Variants in ESR1 observed in about 807,000 individuals in gnomAD.
ESR1 encodes estrogen receptor 1.
Under a neutral mutation model 52.7 loss-of-function variants are expected in ESR1, and 12 were observed. That is an observed-to-expected ratio of 0.23 (90% CI 0.15 to 0.37). ESR1 has a LOEUF of 0.37. ESR1 is among the 10% of genes least tolerant of loss of function. The pLI, the probability that ESR1 is intolerant of heterozygous loss-of-function variation, is 1.00. For missense variants in ESR1, 584 were observed against 779.7 expected (o/e 0.75, Z 2.99); for synonymous variants, 305 against 316.8 (o/e 0.96, Z 0.39).
chr6:151,977,602 C>T (rs1428098225), intron 4 of ESR1, among the ~76,000 whole-genome samples: 2 of 152,038 alleles, frequency 1.3e-5, no homozygotes, highest in African/African-American at 4.8e-5. Flanking sequence ...CGAGACCAGC[C>T]TGGCCAACAT....
At chr6:152,004,486 C>A (rs17082000) in intron 4 of ESR1, among the ~76,000 whole-genome samples, 1 of 151,740 alleles carries the variant, frequency 6.6e-6, no homozygotes, top group Non-Finnish European at 1.5e-5. Flanking sequence ...TAGTTTATAC[C>A]TCATGTATGC....
intron 2 of ESR1, among the ~76,000 whole-genome samples, chr6:151,776,355 A>G (rs1785990067): frequency 6.6e-6 from 1 of 152,262 alleles, no homozygotes; most frequent in Non-Finnish European, 1.5e-5. Flanking sequence ...CAGACATTTT[A>G]TCAGAGATAA....
chr6:151,743,885 A>G (rs1425786657), intron 2 of ESR1, among the ~76,000 whole-genome samples: 1 of 152,016 alleles, frequency 6.6e-6, no homozygotes, highest in Non-Finnish European at 1.5e-5. Context: ...ATCACCCCAG[A>G]GCCACCCCTC....
chr6:151,706,534 T>C (rs1780197541), intron 2 of ESR1, among the ~76,000 whole-genome samples: 1 of 152,102 alleles, frequency 6.6e-6, no homozygotes, highest in Non-Finnish European at 1.5e-5. Context: ...ACAGGGCCAT[T>C]GTTTACCTTG....
chr6:152,069,634 A>G (rs1173596734), intron 6 of ESR1, among the ~76,000 whole-genome samples: 1 of 136,266 alleles, frequency 7.3e-6, no homozygotes, highest in Non-Finnish European at 1.5e-5. Context: ...ACCTCAGATC[A>G]TCAGGCATTA....
intron 1 of ESR1, among the ~76,000 whole-genome samples, chr6:151,662,358 C>T (rs900895460): frequency 6.6e-6 from 1 of 152,138 alleles, no homozygotes; most frequent in Non-Finnish European, 1.5e-5. Context: ...TTAATACTGA[C>T]TGAGAACTGA....
intron 4 of ESR1, among the ~76,000 whole-genome samples, chr6:151,993,436 T>C (rs977662397): frequency 6.6e-6 from 1 of 152,048 alleles, no homozygotes; most frequent in Non-Finnish European, 1.5e-5. Flanking sequence ...GACCTATCTA[T>C]CTCCTTCTCA....
chr6:151,878,822 A>G (rs1159834559), intron 2 of ESR1, among the ~76,000 whole-genome samples: 1 of 152,130 alleles, frequency 6.6e-6, no homozygotes, highest in African/African-American at 2.4e-5. Flanking sequence ...ACATGCCAAT[A>G]TTTATTAGTT....
intron 2 of ESR1, among the ~76,000 whole-genome samples, chr6:151,719,275 C>T (rs1781278352): frequency 6.6e-6 from 1 of 152,004 alleles, no homozygotes; most frequent in Non-Finnish European, 1.5e-5. Flanking sequence ...GTCTAGATGT[C>T]AAAAGGTGGT....
At chr6:152,042,445 C>T (rs534951601) in intron 5 of ESR1, among the ~76,000 whole-genome samples, 2 of 152,178 alleles carry the variant, frequency 1.3e-5, no homozygotes, top group South Asian at 4.1e-4. Flanking sequence ...GTCCAGTTGT[C>T]CCTGAAATGT....
At chr6:151,914,604 G>A (rs750659956) in intron 3 of ESR1, among the ~76,000 whole-genome samples, 2 of 152,198 alleles carry the variant, frequency 1.3e-5, no homozygotes, top group Admixed American at 1.3e-4. Context: ...ACTGGAGGAA[G>A]TATAGCAGAA....
At chr6:151,998,914 C>T (rs2041724345) in intron 4 of ESR1, among the ~76,000 whole-genome samples, 1 of 152,038 alleles carries the variant, frequency 6.6e-6, no homozygotes, top group Non-Finnish European at 1.5e-5. Flanking sequence ...TTATTGGTAT[C>T]TAAGATGTCA....
At chr6:152,091,299 T>C (rs565459445) in intron 6 of ESR1, among the ~76,000 whole-genome samples, 2 of 152,352 alleles carry the variant, frequency 1.3e-5, no homozygotes, top group South Asian at 4.1e-4. Flanking sequence ...TTGTCAACTA[T>C]TGGCATTTCA....
chr6:152,088,627 C>T (rs2049935527), intron 6 of ESR1, among the ~76,000 whole-genome samples: 1 of 152,120 alleles, frequency 6.6e-6, no homozygotes, highest in Non-Finnish European at 1.5e-5. Context: ...GGAAGAGAGA[C>T]CTGCGCTAGC....
At chr6:151,976,072 T>A (rs2039407693) in intron 4 of ESR1, among the ~76,000 whole-genome samples, 1 of 152,212 alleles carries the variant, frequency 6.6e-6, no homozygotes, top group Admixed American at 6.5e-5. Flanking sequence ...AGGATAGAGA[T>A]GGTGATGGTG....
intron 2 of ESR1, among the ~76,000 whole-genome samples, chr6:151,710,658 G>A (rs1460757233): frequency 6.6e-6 from 1 of 152,038 alleles, no homozygotes; most frequent in Non-Finnish European, 1.5e-5. Flanking sequence ...ATGCCATGGT[G>A]GTTTGCTGCA....
chr6:151,748,089 A>G (rs184291761), intron 2 of ESR1, among the ~76,000 whole-genome samples: 10 of 152,076 alleles, frequency 6.6e-5, no homozygotes, highest in Admixed American at 6.5e-4. Flanking sequence ...CCAACCAGCA[A>G]TGTGTGAGGG....
intron 4 of ESR1, among the ~76,000 whole-genome samples, chr6:151,945,943 A>G (rs554818973): frequency 1.3e-5 from 2 of 152,322 alleles, no homozygotes; most frequent in East Asian, 3.9e-4. Flanking sequence ...ACATGGAAGC[A>G]TGGAGAATAA....
At chr6:151,833,272 A>T (rs1782748161) in intron 1 of ESR1, among the ~76,000 whole-genome samples, 1 of 152,214 alleles carries the variant, frequency 6.6e-6, no homozygotes, top group Admixed American at 6.5e-5. Context: ...CCTGTAGGCC[A>T]GTGGGTCTTA....
Sources: allele counts gnomAD v4.1 joint callset (sites outside exome capture counted in the v4.1 genomes callset), GRCh38; gene constraint gnomAD v4.1.1; transcripts MANE v1.5; gene names NCBI Gene and HGNC (gene_info 2026-07-23, HGNC 2026-07-21).